The following HPCAL1 variants were observed in gnomAD, a reference collection of about 807,000 sequenced individuals.
HPCAL1 encodes hippocalcin-like protein 1.
A neutral mutation model predicts 17.1 loss-of-function variants in HPCAL1; 8 were observed. That is an observed-to-expected ratio of 0.47 (90% CI 0.27 to 0.84). The LOEUF (loss-of-function observed/expected upper bound fraction) is 0.84. Among genes scored for constraint, HPCAL1 ranks in the 40% least tolerant of loss-of-function variants. HPCAL1 has a pLI of 0.13. For missense variants in HPCAL1, 165 were observed against 271.1 expected, an observed-to-expected ratio of 0.61 and a Z score of 2.75; for synonymous variants, 112 against 111.4, an observed-to-expected ratio of 1.01 and a Z score of -0.03.
At chr2:10,326,790 T>C (rs1017884232) in intron 1 of HPCAL1, among the ~76,000 whole-genome samples, 3 of 152,138 alleles carry the variant, frequency 2.0e-5, no homozygotes, top group Non-Finnish European at 2.9e-5. Context: ...TGCCCCCTTC[T>C]CCCTCCCTGT....
intron 1 of HPCAL1, among the ~76,000 whole-genome samples, chr2:10,376,436 A>G (rs1411461758): frequency 1.7e-5 from 2 of 115,404 alleles, no homozygotes; most frequent in Non-Finnish European, 3.4e-5. Context: ...CTTTACAAAA[A>G]AAATCCCTCT....
chr2:10,362,640 G>C lies in HPCAL1; in HGVS notation c.-110-34195G>C, dbSNP rs1381133834. On this transcript the variant is annotated intron_variant, in intron 1 of 4. Transcript: ENST00000307845. This position sits in a 1 kb window ranked among gnomAD's most constrained non-coding sequence, Gnocchi z 5.0. ...ATCAGCCCCAGGCTGATTATCTGCA[G>C]ACCGGGATCCCATTTCTGCTGCTTT... Among the ~76,000 whole-genome samples the C allele has an allele frequency of 6.6e-6, 1 of 152,216 alleles. No individual in the cohort carries two copies. The highest frequency in any genetic ancestry group is 1.5e-5 in the Non-Finnish European group (1 of 68,040).
chr2:10,376,485 C>T (rs1374251267), intron 1 of HPCAL1, among the ~76,000 whole-genome samples: 1 of 151,664 alleles, frequency 6.6e-6, no homozygotes, highest in Non-Finnish European at 1.5e-5. Context: ...ACCCAAGCTG[C>T]AGTGCAGTGG....
In HPCAL1 at chr2:10,363,441, T is replaced by C. The variant is rs1666643814; in HGVS notation, c.-110-33394T>C. On this transcript the variant is annotated intron_variant, in intron 1 of 4. Transcript: ENST00000307845. This position sits in a 1 kb window ranked among gnomAD's most constrained non-coding sequence, Gnocchi z 4.7. ...CGACTGAAGAACCTCGGGGCTTTCT[T>C]GGCTGTTTGTAGGAGCTTCCAGAAG... Among the ~76,000 whole-genome samples the C allele has an allele frequency of 6.6e-6, 1 of 152,188 alleles. No individual in the cohort carries two copies. Among genetic ancestry groups the C allele is most frequent in the South Asian group, 2.1e-4 (1 of 4,830 alleles).
intron 2 of HPCAL1, among the ~76,000 whole-genome samples, chr2:10,418,459 A>AC (rs1670820312): frequency 6.6e-6 from 1 of 150,674 alleles, no homozygotes; most frequent in South Asian, 2.1e-4. Context: ...AAAAAAAAAA[A>AC]AAAAAAAAAA....
At chr2:10,387,294 C>T (rs1313394222) in intron 1 of HPCAL1, among the ~76,000 whole-genome samples, 1 of 152,246 alleles carries the variant, frequency 6.6e-6, no homozygotes, top group Non-Finnish European at 1.5e-5. Context: ...GTGGGATGCC[C>T]ACGGTACCGT....
chr2:10,335,483 C>T (rs552815451), intron 1 of HPCAL1, among the ~76,000 whole-genome samples: 1 of 152,326 alleles, frequency 6.6e-6, no homozygotes, highest in South Asian at 2.1e-4. Context: ...AAAGGGGAAC[C>T]TCATGAGAGA....
At chr2:10,420,231 T>TA in intron 3 of HPCAL1, 96 bp downstream of exon 3, 1 of 1,056,178 alleles carries the variant, frequency 9.5e-7, no homozygotes, top group South Asian at 1.7e-5. Flanking sequence ...TTTTTTTTTT[T>TA]AAGACAGGAA....
rs1160730435 is a variant in HPCAL1 at position 10,330,840 on chromosome 2, G to A, written c.-111+27663G>A. ...GCTCTCTGTCAGTGTGTCTCCGACT[G>A]CGGACCCCGATCATCTTTGTGAGAA... On this transcript the variant is annotated intron_variant, in intron 1 of 4. Coordinates refer to ENST00000307845, the MANE Select transcript of HPCAL1 (RefSeq NM_002149.4). The surrounding 1 kb of genome is among the most constrained non-coding windows in gnomAD (Gnocchi z 4.2). 6.6e-6 allele frequency among the ~76,000 whole-genome samples: 1 copy of A among 152,206 alleles called. No individual in the cohort carries two copies. Among genetic ancestry groups the A allele is most frequent in the East Asian group, 1.9e-4 (1 of 5,184 alleles).
At chr2:10,372,624 C>T (rs998400651) in intron 1 of HPCAL1, among the ~76,000 whole-genome samples, 8 of 152,186 alleles carry the variant, frequency 5.3e-5, no homozygotes, top group Admixed American at 6.5e-5. Flanking sequence ...GCAGCCTTCC[C>T]GAAACAGCTG....
At chr2:10,421,556 C>G (rs529765950) in intron 3 of HPCAL1, among the ~76,000 whole-genome samples, 1 of 152,240 alleles carries the variant, frequency 6.6e-6, no homozygotes, top group African/African-American at 2.4e-5. Context: ...AAAAGAGTAG[C>G]AGGGCATAGT....
rs1300684760 is a variant in HPCAL1, at chr2:10,362,265, C to CA, written c.-110-34569dup. Among the ~76,000 whole-genome samples the CA allele has an allele frequency of 2.6e-5, 4 of 151,874 alleles. No homozygotes were observed. Among genetic ancestry groups the CA allele is most frequent in the African/African-American group, 9.7e-5 (4 of 41,314 alleles). On this transcript the variant is annotated intron_variant, in intron 1 of 4. Coordinates refer to ENST00000307845, the MANE Select transcript of HPCAL1 (RefSeq NM_002149.4). The surrounding 1 kb of genome is among the most constrained non-coding windows in gnomAD (Gnocchi z 5.0). ...TGGAGGCAAACGGAGCTTCGGAACCCAGGTGTCGAGAATGAGCTGTTGGCA... is the reference window on the plus strand; with the variant it reads ...TGGAGGCAAACGGAGCTTCGGAACCCAAGGTGTCGAGAATGAGCTGTTGGCA...
Position 10,323,454 on chromosome 2 carries a change from C to T in HPCAL1, c.-111+20277C>T, listed in dbSNP as rs983881882. On this transcript the variant is annotated intron_variant, in intron 1 of 4. Transcript: ENST00000307845. The surrounding 1 kb of genome is among the most constrained non-coding windows in gnomAD (Gnocchi z 4.6). ...TTTCATGCTGGATCTGGCCCCAGGC[C>T]TGCACCTGGCCCTGGCAGTGGGCGC... Among the ~76,000 whole-genome samples, 3 of 152,238 alleles carry T rather than the reference C, an allele frequency of 2.0e-5. No homozygotes were observed. Among genetic ancestry groups the T allele is most frequent in the African/African-American group, 7.2e-5 (3 of 41,458 alleles).
In HPCAL1 at chr2:10,367,529, T is replaced by C. The variant is rs1666924794; in HGVS notation, c.-110-29306T>C. Among the ~76,000 whole-genome samples, 1 of 152,144 alleles carries C rather than the reference T, an allele frequency of 6.6e-6. No homozygotes were observed. Among genetic ancestry groups the C allele is most frequent in the Non-Finnish European group, 1.5e-5 (1 of 68,034 alleles). The stretch of plus-strand genomic sequence containing the variant: ...CCTGGGCTCAACTAAAATTTTAATC[T>C]CCAATTCATACATTTCAGAAAGTAT... On this transcript the variant is annotated intron_variant, in intron 1 of 4. Coordinates refer to ENST00000307845, the MANE Select transcript of HPCAL1 (RefSeq NM_002149.4). The surrounding 1 kb of genome is among the most constrained non-coding windows in gnomAD (Gnocchi z 4.4).
chr2:10,424,414 G>A, intron 4 of HPCAL1: 2 of 451,002 alleles, frequency 4.4e-6, no homozygotes, highest in South Asian at 1.6e-5. Context: ...CTCCTCGTGG[G>A]GATGGTGAAT....
chr2:10,390,592 G>A (rs1351013930), intron 1 of HPCAL1, among the ~76,000 whole-genome samples: 1 of 152,024 alleles, frequency 6.6e-6, no homozygotes, highest in African/African-American at 2.4e-5. Context: ...GTCATCTCTT[G>A]AGCACACATC....
intron 1 of HPCAL1, among the ~76,000 whole-genome samples, chr2:10,333,710 A>G (rs952050275): frequency 3.3e-5 from 5 of 152,174 alleles, no homozygotes; most frequent in African/African-American, 1.2e-4. Flanking sequence ...ACACAGAAAA[A>G]CAGAGAAAAA....
At chr2:10,311,872 T>A (rs1383185817) in intron 1 of HPCAL1, among the ~76,000 whole-genome samples, 1 of 151,046 alleles carries the variant, frequency 6.6e-6, no homozygotes, top group East Asian at 2.0e-4. Flanking sequence ...CCCATCCCCA[T>A]CATCATCATT....
chr2:10,303,416 C>A (rs1416472461), intron 1 of HPCAL1, among the ~76,000 whole-genome samples: 2 of 152,098 alleles, frequency 1.3e-5, no homozygotes, highest in Non-Finnish European at 2.9e-5. Flanking sequence ...TAGGTGTGCA[C>A]ATTTTGGACT....
Sources: allele counts gnomAD v4.1 joint callset (sites outside exome capture counted in the v4.1 genomes callset), GRCh38; gene constraint gnomAD v4.1.1; non-coding constraint Gnocchi (gnomAD v3.1); transcripts MANE v1.5; gene names NCBI Gene and HGNC (gene_info 2026-07-23, HGNC 2026-07-21).